Variants in PLEKHA1 observed in about 807,000 individuals in gnomAD.
PLEKHA1 encodes the protein pleckstrin homology domain containing A1.
Under a neutral mutation model 52.0 loss-of-function variants are expected in PLEKHA1, and 34 were observed. The ratio of observed to expected loss-of-function variants is 0.65; its 90% CI spans 0.50 to 0.87. The LOEUF (loss-of-function observed/expected upper bound fraction) is 0.87. PLEKHA1 is among the 40% of genes least tolerant of loss of function. The pLI is 0.00. For synonymous variants in PLEKHA1, 163 were observed against 170.7 expected (o/e 0.95, Z 0.35); for missense variants, 497 against 504.2 (o/e 0.99, Z 0.14).
chr10:122,398,785 T>C (rs2096887068), intron 3 of PLEKHA1, among the ~76,000 whole-genome samples: 1 of 152,102 alleles, frequency 6.6e-6, no homozygotes, highest in Non-Finnish European at 1.5e-5. Flanking sequence ...CAAATGTGCC[T>C]CTGTTTAGAA....
At chr10:122,404,806 T>C (rs907389188) in intron 4 of PLEKHA1, among the ~76,000 whole-genome samples, 5 of 152,208 alleles carry the variant, frequency 3.3e-5, no homozygotes, top group African/African-American at 1.2e-4. Context: ...GAGACCTTCA[T>C]CTCAATTCAA....
chr10:122,375,390 G>C (rs1174025389), intron 1 of PLEKHA1, among the ~76,000 whole-genome samples: 1 of 152,260 alleles, frequency 6.6e-6, no homozygotes, highest in Non-Finnish European at 1.5e-5. Flanking sequence ...AAGTCGGGCG[G>C]TGTCCGCGAT....
In PLEKHA1 at chr10:122,400,387, T is replaced by C. The variant is rs572045156; in HGVS notation, c.243T>C (p.Phe81=). Residue 81 remains phenylalanine, a splice_region_variant and synonymous_variant, in exon 4 of 12, where the codon TTT becomes TTC. Transcript: ENST00000368990. ...TKLRPKAEFC[F]VMNAGMRKYF... ...TAAGGCCAAAGGCGGAGTTCTGTTTTGGTAAGTAGCCATGTTATATATATT... is the reference window on the plus strand; with the variant it reads ...TAAGGCCAAAGGCGGAGTTCTGTTTCGGTAAGTAGCCATGTTATATATATT... 6.2e-6 allele frequency: 10 copies of C among 1,606,570 alleles called. No homozygotes were observed. The highest frequency in any genetic ancestry group is 8.5e-6 in the Non-Finnish European group (10 of 1,177,500).
intron 3 of PLEKHA1, among the ~76,000 whole-genome samples, chr10:122,398,594 TG>T (rs1432251850): frequency 2.0e-4 from 1 of 5,106 alleles, no homozygotes; most frequent in Non-Finnish European, 4.0e-3. Flanking sequence ...CCTATGGGTT[TG>T]TGTGTGTGTG....
intron 3 of PLEKHA1, among the ~76,000 whole-genome samples, chr10:122,398,800 G>A (rs1300793514): frequency 1.3e-5 from 2 of 152,070 alleles, no homozygotes; most frequent in East Asian, 1.9e-4. Context: ...TTAGAAGATA[G>A]ATGTTATATA....
intron 11 of PLEKHA1, 89 bp from the exon 12 acceptor site, chr10:122,429,520 GTGTGTGTGTGTTTTA>G: frequency 6.7e-6 from 6 of 889,778 alleles, no homozygotes; most frequent in Middle Eastern, 2.5e-4. Flanking sequence ...GTGTGTGTGT[GTGTGTGTGTGTTTTA>G]TTTGTTTTTC....
intron 3 of PLEKHA1, among the ~76,000 whole-genome samples, chr10:122,399,459 A>G (rs2096896075): frequency 6.6e-6 from 1 of 152,164 alleles, no homozygotes; most frequent in African/African-American, 2.4e-5. Context: ...ATCCTAGGGC[A>G]TTCTCCTGTA....
intron 8 of PLEKHA1, chr10:122,421,774 A>G (rs539466890): frequency 6.6e-6 from 1 of 152,192 alleles, no homozygotes; most frequent in Non-Finnish European, 1.5e-5. Flanking sequence ...AATTAGAGAA[A>G]TGCAAATTAA....
Position 122,393,016 on chromosome 10 carries a change from AT to A in PLEKHA1, c.-20-162del. 1 of 491,004 alleles carries A rather than the reference AT, an allele frequency of 2.0e-6. No individual in the cohort carries two copies. The highest frequency in any genetic ancestry group is 3.5e-6 in the Non-Finnish European group (1 of 286,330). The allele number at this position is 491,004 out of a possible 1,614,324, so 30.4% of individuals were successfully genotyped here. On this transcript the variant is annotated intron_variant, in intron 1 of 11. Coordinates refer to ENST00000368990, the MANE Select transcript of PLEKHA1 (RefSeq NM_001001974.4). The surrounding 1 kb of genome is among the most constrained non-coding windows in gnomAD (Gnocchi z 4.5). ...TTAGTAACCACTCTTCACAAACTGA[AT>A]TTCAAAAGTGATTTTTGTCAATGCC... is the stretch of plus-strand genomic sequence containing the variant.
intron 11 of PLEKHA1, 60 bp downstream of exon 11, chr10:122,427,091 CCT>C: frequency 1.4e-6 from 2 of 1,464,192 alleles, no homozygotes; most frequent in Admixed American, 3.5e-5. Context: ...TATCAAATTT[CCT>C]CTCTCCCAAT....
At chr10:122,394,524 G>A (rs1337676620) in intron 2 of PLEKHA1, among the ~76,000 whole-genome samples, 1 of 152,150 alleles carries the variant, frequency 6.6e-6, no homozygotes, top group Non-Finnish European at 1.5e-5. Context: ...TGTGGGTGAG[G>A]AATGGAAGGT....
chr10:122,428,670 C>T (rs2097375310), intron 11 of PLEKHA1, among the ~76,000 whole-genome samples: 1 of 152,034 alleles, frequency 6.6e-6, no homozygotes, highest in South Asian at 2.1e-4. Flanking sequence ...CACCATTGTT[C>T]TAATAATATA....
intron 11 of PLEKHA1, 135 bp downstream of exon 11, chr10:122,427,166 G>A: frequency 1.3e-6 from 1 of 757,686 alleles, no homozygotes; most frequent in Non-Finnish European, 2.1e-6. Context: ...AATTGGACTT[G>A]CAAAAAATAA....
In PLEKHA1 at chr10:122,431,573, T is replaced by C. The variant is rs972832685; in HGVS notation, c.*1635T>C. ...TTGAAAATTTCTCGTTTTCATTTTC[T>C]TAGATGACTTCTTGTCTGAGACAGA... On this transcript the variant is annotated 3_prime_UTR_variant, in exon 12 of 12. Coordinates refer to ENST00000368990, the MANE Select transcript of PLEKHA1 (RefSeq NM_001001974.4). 6.5e-6 allele frequency: 1 copy of C among 152,684 alleles called. No individual in the cohort carries two copies. Among genetic ancestry groups the C allele is most frequent in the African/African-American group, 2.4e-5 (1 of 41,464 alleles). 9.5% of individuals were successfully genotyped at this position (152,684 alleles called of 1,614,324 possible).
chr10:122,382,306 A>G (rs1165602171), intron 1 of PLEKHA1, among the ~76,000 whole-genome samples: 1 of 152,194 alleles, frequency 6.6e-6, no homozygotes, highest in Admixed American at 6.5e-5. Flanking sequence ...CTAGGCAACT[A>G]GTAATCTACC....
At chr10:122,418,248 C>A in intron 8 of PLEKHA1, 1 of 284,920 alleles carries the variant, frequency 3.5e-6, no homozygotes, top group South Asian at 7.5e-5. Context: ...GGGCTGTCCT[C>A]TTGGGGGGTT....
At chr10:122,421,016 T>C (rs1315180031) in intron 8 of PLEKHA1, 2 of 152,234 alleles carry the variant, frequency 1.3e-5, no homozygotes, top group African/African-American at 4.8e-5. Context: ...TGGATGTATA[T>C]CTGTATGTAT....
chr10:122,441,029 C>G, the PLEKHA1 span: 1 of 152,106 alleles, frequency 6.6e-6, no homozygotes, highest in African/African-American at 2.4e-5. Context: ...AAAGTGTGGT[C>G]CCTGAGACCA....
At chr10:122,377,272 A>T (rs990494708) in intron 1 of PLEKHA1, among the ~76,000 whole-genome samples, 2 of 152,194 alleles carry the variant, frequency 1.3e-5, no homozygotes. Context: ...TTTTGGGTTG[A>T]TATAACTAAC....
Sources: allele counts gnomAD v4.1 joint callset (sites outside exome capture counted in the v4.1 genomes callset), GRCh38; gene constraint gnomAD v4.1.1; non-coding constraint Gnocchi (gnomAD v3.1); transcripts MANE v1.5; gene names NCBI Gene and HGNC (gene_info 2026-07-23, HGNC 2026-07-21).